DDO: variants seen among roughly 807,000 people sequenced by gnomAD.
The protein encoded by DDO is D-aspartate oxidase, DDO.
A neutral mutation model predicts 16.8 loss-of-function variants in DDO; 16 were observed. That is an observed-to-expected ratio of 0.95 (90% CI 0.65 to 1.45). The LOEUF is 1.45. DDO is among the 40% of genes most tolerant of loss of function. DDO has a pLI of 0.00. For synonymous variants in DDO, 180 were observed against 167.2 expected, an observed-to-expected ratio of 1.08 and a Z score of -0.59; for missense variants, 429 against 420.3, an observed-to-expected ratio of 1.02 and a Z score of -0.18.
At chr6:110,403,372 G>A (rs1476052802) in intron 4 of DDO, among the ~76,000 whole-genome samples, 1 of 151,958 alleles carries the variant, frequency 6.6e-6, no homozygotes, top group Non-Finnish European at 1.5e-5. Flanking sequence ...TTTTTAGAAG[G>A]GGGAAAATTC....
At chr6:110,397,863 T>C (rs1773338036) in intron 4 of DDO, among the ~76,000 whole-genome samples, 1 of 152,226 alleles carries the variant, frequency 6.6e-6, no homozygotes, top group South Asian at 2.1e-4. Context: ...CCAGTCATTA[T>C]TATGTATCCC....
downstream of DDO, among the ~76,000 whole-genome samples, chr6:110,390,570 G>C (rs1000321543): frequency 6.6e-6 from 1 of 152,194 alleles, no homozygotes. Context: ...AAAACGCAGA[G>C]TGAAGCTGAA....
At chr6:110,400,041 G>A (rs964928731) in intron 4 of DDO, among the ~76,000 whole-genome samples, 2 of 152,130 alleles carry the variant, frequency 1.3e-5, no homozygotes, top group Non-Finnish European at 1.5e-5. Flanking sequence ...TGCCGTCCTC[G>A]CAGCCCCAAG....
chr6:110,413,587 T>C (rs926447079), intron 1 of DDO, 121 bp from the exon 2 acceptor site: 1 of 970,392 alleles, frequency 1.0e-6, no homozygotes, highest in Non-Finnish European at 1.5e-6. Flanking sequence ...CTTAGCCTAT[T>C]GGTGTTTCTT....
At chr6:110,407,003 C>T (rs1289027264) in intron 3 of DDO, among the ~76,000 whole-genome samples, 2 of 152,192 alleles carry the variant, frequency 1.3e-5, no homozygotes, top group African/African-American at 2.4e-5. Context: ...ATTAACTCAA[C>T]ACATATTTGT....
chr6:110,394,929 G>A (rs1005074794), intron 4 of DDO, among the ~76,000 whole-genome samples: 1 of 152,228 alleles, frequency 6.6e-6, no homozygotes, highest in South Asian at 2.1e-4. Flanking sequence ...CTCAAGGGGA[G>A]AGACTGTATC....
At position 110,407,461 on chromosome 6, in the gene DDO, C is replaced by T. The variant is rs1773696663; in HGVS notation, c.281+873G>A. Among the ~76,000 whole-genome samples, 5 of 152,128 alleles carry T rather than the reference C, an allele frequency of 3.3e-5. No individual in the cohort carries two copies. In the South Asian group the frequency reaches 1.0e-3, roughly 32 times the overall value. On this transcript the variant is annotated intron_variant, in intron 3 of 4. Transcript: ENST00000368924. ...GAAGAGAAAAAGGGTAGAAATTCAC[C>T]CAATGCAAGTGTGTACACTAGACTA... is the stretch of plus-strand genomic sequence containing the variant.
chr6:110,397,314 C>T (rs1268957957), intron 4 of DDO, among the ~76,000 whole-genome samples: 3 of 152,138 alleles, frequency 2.0e-5, no homozygotes, highest in Non-Finnish European at 4.4e-5. Context: ...CTGTATATCA[C>T]TTATGTTTCA....
At chr6:110,400,017 C>T (rs1288275888) in intron 4 of DDO, among the ~76,000 whole-genome samples, 3 of 152,212 alleles carry the variant, frequency 2.0e-5, no homozygotes, top group Non-Finnish European at 4.4e-5. Flanking sequence ...CCGCCGGTCT[C>T]CGGCCGATGG....
At chr6:110,414,473 G>T (rs1172026200) in intron 1 of DDO, among the ~76,000 whole-genome samples, 3 of 152,258 alleles carry the variant, frequency 2.0e-5, no homozygotes, top group Non-Finnish European at 4.4e-5. Context: ...CCTTGGGAGA[G>T]TCTGAATGGA....
intron 4 of DDO, among the ~76,000 whole-genome samples, chr6:110,393,858 T>C (rs1441844567): frequency 2.0e-5 from 3 of 152,226 alleles, no homozygotes; most frequent in African/African-American, 7.2e-5. Context: ...GAACACAAAA[T>C]ATTTGTAGCT....
chr6:110,394,087 T>G (rs548610080), intron 4 of DDO, among the ~76,000 whole-genome samples: 3 of 152,058 alleles, frequency 2.0e-5, no homozygotes, highest in African/African-American at 7.2e-5. Flanking sequence ...ACCATCCATA[T>G]GCACTATCCA....
intron 3 of DDO, among the ~76,000 whole-genome samples, 159 bp from the exon 4 acceptor site, chr6:110,405,109 C>T (rs116840869): frequency 0.013 from 2,054 of 152,272 alleles, 19 homozygotes; most frequent in African/African-American, 0.024. Flanking sequence ...CAATCATGGC[C>T]CACTGCAGCC....
rs746728820 is a variant in DDO at position 110,392,825 on chromosome 6, T to A, written c.976A>T (p.Ser326Cys). The A allele has an allele frequency of 8.7e-6, 14 of 1,608,404 alleles. No individual in the cohort carries two copies. The highest frequency in any genetic ancestry group is 1.2e-5 in the Non-Finnish European group (14 of 1,176,602). The stretch of plus-strand genomic sequence containing the variant: ...GTCCTGAGGGCATGGACACACTCGC[T>A]CACCAGCCTGGCGGCCTCCAGAGCA... ...GTALEAARLVSECVHALRTPI... is the reference protein window; with the variant it reads ...GTALEAARLVCECVHALRTPI... Residue 326 changes from serine (S) to cysteine (C), a missense_variant, in exon 5 of 5, where the codon AGC (serine) becomes TGC (cysteine). By Grantham distance (112) the Ser-to-Cys change is moderately radical (BLOSUM62 -1). Transcript: ENST00000368924.
downstream of DDO, among the ~76,000 whole-genome samples, chr6:110,389,440 T>C (rs1241987460): frequency 2.0e-5 from 3 of 152,220 alleles, no homozygotes; most frequent in Non-Finnish European, 4.4e-5. Context: ...CCCTGACTAA[T>C]ATACCAGTCA....
intron 4 of DDO, among the ~76,000 whole-genome samples, chr6:110,398,421 C>CAA (rs547313748): frequency 0.34 from 46,938 of 138,530 alleles, 7,464 homozygotes; most frequent in East Asian, 0.4. Context: ...CACACACACA[C>CAA]ACACACTTGG....
chr6:110,402,967 A>G (rs1317247583), intron 4 of DDO, among the ~76,000 whole-genome samples: 1 of 152,198 alleles, frequency 6.6e-6, no homozygotes, highest in Non-Finnish European at 1.5e-5. Flanking sequence ...GATCATTAAG[A>G]CAAAAATCCA....
chr6:110,392,944 A>G lies in DDO; in HGVS notation c.857T>C (p.Leu286Pro). The G allele has an allele frequency of 6.2e-7, 1 of 1,614,244 alleles. No homozygotes were observed. The highest frequency in any genetic ancestry group is 8.5e-7 in the Non-Finnish European group (1 of 1,180,030). ...GLRPYRPGVR[L>P]QTELLARDGQ... ...ATCTCGCGCAAGGAGCTCTGTCTGCAGTCGCACGCCTGGCCTGTAGGGCCT... is the reference window on the plus strand; with the variant it reads ...ATCTCGCGCAAGGAGCTCTGTCTGCGGTCGCACGCCTGGCCTGTAGGGCCT... Residue 286 changes from leucine to proline, a missense_variant, in exon 5 of 5, where the codon CTG becomes CCG. Coordinates refer to ENST00000368924, the MANE Select transcript of DDO (RefSeq NM_001372108.2).
chr6:110,402,769 C>T lies in DDO; in HGVS notation c.458+2005G>A, dbSNP rs190034203. 1.6e-3 allele frequency among the ~76,000 whole-genome samples: 242 copies of T among 152,246 alleles called. 1 individual carries two copies. The highest frequency in any genetic ancestry group is 5.4e-3 in the African/African-American group (223 of 41,534). On this transcript the variant is annotated intron_variant, in intron 4 of 4. Transcript: ENST00000368924. ...GAAGAGTTTGTTAGAGTTTCTCTAC[C>T]TCCCTTAGCTCTGTGTCCATTACCA...
Sources: gnomAD v4.1 joint callset for allele counts (sites outside exome capture counted in the v4.1 genomes callset) on GRCh38, gnomAD v4.1.1 for gene constraint, MANE v1.5 for transcripts, NCBI Gene and HGNC (gene_info 2026-07-23, HGNC 2026-07-21) for gene names.